The following GOLIM4 variants were observed in gnomAD, a reference collection of about 807,000 sequenced individuals.
The protein encoded by GOLIM4 is 130 kDa golgi-localized phosphoprotein.
Under a neutral mutation model 107.4 loss-of-function variants are expected in GOLIM4, and 71 were observed. The ratio of observed to expected loss-of-function variants is 0.66; its 90% CI spans 0.55 to 0.81. The LOEUF (loss-of-function observed/expected upper bound fraction) is 0.81, where lower values mean the gene tolerates loss of function less well. Among genes scored for constraint, GOLIM4 ranks in the 30% least tolerant of loss-of-function variants. The pLI, the probability that GOLIM4 is intolerant of heterozygous loss-of-function variation, is 0.00. For missense variants in GOLIM4, 830 were observed against 826.1 expected, an observed-to-expected ratio of 1.00 and a Z score of -0.06; for synonymous variants, 327 against 294.8, an observed-to-expected ratio of 1.11 and a Z score of -1.12.
chr3:168,010,056 T>C lies in GOLIM4; in HGVS notation c.*213A>G. 2.5e-6 allele frequency: 1 copy of C among 396,092 alleles called. No homozygotes were observed. Among genetic ancestry groups the C allele is most frequent in the Non-Finnish European group, 4.4e-6 (1 of 227,646 alleles). The allele number at this position is 396,092 out of a possible 1,614,324, so 24.5% of individuals were successfully genotyped here. ...GGTTTACTTTATTGTTTTTCTTCTT[T>C]TTCATGTTTAGCTTGAATATAAAAG... On this transcript the variant is annotated 3_prime_UTR_variant, in exon 16 of 16. Transcript: ENST00000470487.
chr3:168,047,121 T>C (rs1294657078), intron 2 of GOLIM4, 122 bp from the exon 3 acceptor site: 6 of 521,712 alleles, frequency 1.2e-5, no homozygotes, highest in African/African-American at 2.0e-5. Context: ...AACAATCTAC[T>C]TGGTGATTTA....
intron 1 of GOLIM4, among the ~76,000 whole-genome samples, chr3:168,077,985 A>G (rs542220393): frequency 6.6e-6 from 1 of 152,122 alleles, no homozygotes; most frequent in African/African-American, 2.4e-5. Flanking sequence ...TTATTTATTT[A>G]TTTATTTATT....
At chr3:168,038,870 G>T (rs954380741) in intron 7 of GOLIM4, among the ~76,000 whole-genome samples, 2 of 152,192 alleles carry the variant, frequency 1.3e-5, no homozygotes, top group African/African-American at 4.8e-5. Flanking sequence ...TAATTAGGTC[G>T]TAAGGGTGAA....
chr3:168,025,197 C>T, intron 12 of GOLIM4, 102 bp from the exon 13 acceptor site: 2 of 885,400 alleles, frequency 2.3e-6, no homozygotes, highest in Non-Finnish European at 1.7e-6. Context: ...AATTGTCCTT[C>T]CCTCAATTGT....
chr3:168,021,634 C>T lies in GOLIM4; in HGVS notation c.1860+2892G>A, dbSNP rs574008370. Reference sequence around the variant, plus strand: ...TGAGCCGAGATCACCTCATTGCACTCCAGCCTGGGTGACAGTCAGACTCTG... The same window carrying T: ...TGAGCCGAGATCACCTCATTGCACTTCAGCCTGGGTGACAGTCAGACTCTG... On this transcript the variant is annotated intron_variant, in intron 14 of 15. Transcript: ENST00000470487. Among the ~76,000 whole-genome samples the T allele has an allele frequency of 3.1e-4, 47 of 152,130 alleles. 1 individual carries two copies. In the Middle Eastern group the frequency reaches 0.017, roughly 55 times the overall value.
intron 1 of GOLIM4, among the ~76,000 whole-genome samples, chr3:168,090,546 C>T (rs1452113091): frequency 1.3e-5 from 2 of 152,102 alleles, no homozygotes; most frequent in Non-Finnish European, 1.5e-5. Context: ...TGCAAAGAAA[C>T]GGGAATGCTT....
At chr3:168,037,302 C>T (rs1223192552) in intron 7 of GOLIM4, among the ~76,000 whole-genome samples, 1 of 152,018 alleles carries the variant, frequency 6.6e-6, no homozygotes, top group Non-Finnish European at 1.5e-5. Context: ...ATTAAAAGAC[C>T]GTTCTGTGAT....
intron 1 of GOLIM4, among the ~76,000 whole-genome samples, chr3:168,081,070 G>A (rs980435651): frequency 1.3e-5 from 2 of 152,172 alleles, no homozygotes; most frequent in African/African-American, 4.8e-5. Context: ...GCAGCCTGTG[G>A]TGAATGTTAG....
Position 168,050,860 on chromosome 3 carries a change from T to A in GOLIM4, c.188-2495A>T, listed in dbSNP as rs148988368. 1.8e-3 allele frequency among the ~76,000 whole-genome samples: 234 copies of A among 128,806 alleles called. 2 individuals are homozygous for A. Among genetic ancestry groups the A allele is most frequent in the African/African-American group, 6.4e-3 (229 of 35,646 alleles). The allele number at this position is 128,806 out of a possible 152,430, so 84.5% of individuals were successfully genotyped here. ...ATAATAATAATAATAATAATAATAA[T>A]AATAATAATAAAACCTAGCAGCATA... On this transcript the variant is annotated intron_variant, in intron 1 of 15. Coordinates refer to ENST00000470487, the MANE Select transcript of GOLIM4 (RefSeq NM_014498.5).
chr3:168,020,093 G>A (rs1466560863), intron 14 of GOLIM4, among the ~76,000 whole-genome samples: 2 of 152,106 alleles, frequency 1.3e-5, no homozygotes, highest in African/African-American at 4.8e-5. Context: ...ACCTAGGTGA[G>A]CTCTAATCAT....
intron 14 of GOLIM4, among the ~76,000 whole-genome samples, chr3:168,015,236 C>G (rs13065796): frequency 8.7e-6 from 1 of 115,504 alleles, no homozygotes; most frequent in Non-Finnish European, 1.6e-5. Flanking sequence ...AGCATTCTTA[C>G]ACACCAGCAA....
intron 14 of GOLIM4, among the ~76,000 whole-genome samples, chr3:168,017,346 C>G (rs1717430423): frequency 6.6e-6 from 1 of 152,044 alleles, no homozygotes. Flanking sequence ...ATAAAATTAG[C>G]TGGGCCTAGT....
intron 1 of GOLIM4, among the ~76,000 whole-genome samples, chr3:168,073,194 T>C (rs916692475): frequency 3.3e-5 from 5 of 152,228 alleles, no homozygotes; most frequent in African/African-American, 1.2e-4. Flanking sequence ...GCAATTTTAC[T>C]TGTTCTCATA....
At chr3:168,077,883 T>C (rs1721149964) in intron 1 of GOLIM4, among the ~76,000 whole-genome samples, 1 of 152,210 alleles carries the variant, frequency 6.6e-6, no homozygotes, top group Admixed American at 6.5e-5. Context: ...ACTTATAATT[T>C]GGTATCCTTA....
At position 168,052,772 on chromosome 3, in the gene GOLIM4, T is replaced by A. The variant is rs574044629; in HGVS notation, c.188-4407A>T. 3.7e-3 allele frequency among the ~76,000 whole-genome samples: 557 copies of A among 152,330 alleles called. 3 individuals are homozygous for A. Among genetic ancestry groups the A allele is most frequent in the Non-Finnish European group, 6.4e-3 (436 of 68,014 alleles). The stretch of plus-strand genomic sequence containing the variant: ...ATCAATCCTTGTCACCTATCTCTAT[T>A]TTTCTATTTATACTCTGAAGTCAAG... On this transcript the variant is annotated intron_variant, in intron 1 of 15. Transcript: ENST00000470487.
intron 1 of GOLIM4, among the ~76,000 whole-genome samples, chr3:168,060,662 G>A (rs574924894): frequency 1.3e-4 from 20 of 152,270 alleles, no homozygotes; most frequent in Non-Finnish European, 2.2e-4. Flanking sequence ...AAAATAATCC[G>A]CGGTATTCCT....
intron 1 of GOLIM4, among the ~76,000 whole-genome samples, chr3:168,067,301 C>T (rs565202100): frequency 2.0e-5 from 3 of 152,078 alleles, no homozygotes; most frequent in African/African-American, 7.2e-5. Flanking sequence ...AGAATACTAG[C>T]CCTTGACTCA....
intron 1 of GOLIM4, among the ~76,000 whole-genome samples, chr3:168,079,968 C>T (rs1721263205): frequency 6.6e-6 from 1 of 152,090 alleles, no homozygotes; most frequent in Non-Finnish European, 1.5e-5. Context: ...AAATTAATCT[C>T]TAAAATTACC....
Position 168,024,580 on chromosome 3 carries a change from TG to T in GOLIM4, c.1805del (p.Pro602GlnfsTer24). The T allele has an allele frequency of 6.2e-7, 1 of 1,613,394 alleles. No individual in the cohort carries two copies. The highest frequency in any genetic ancestry group is 8.5e-7 in the Non-Finnish European group (1 of 1,179,318). On this transcript the variant is annotated frameshift_variant, in exon 14 of 16. Transcript: ENST00000470487. LOFTEE classifies it high-confidence loss of function. ...CATCAACATTGTCCTCCTGCTGGTC[TG>T]GATTTCCTGCCATCTGTTGGAAACA... ...VEEHLVMAGN[P>X]DQQEDNVDEQ...
Sources: gnomAD v4.1 joint callset for allele counts (sites outside exome capture counted in the v4.1 genomes callset) on GRCh38, gnomAD v4.1.1 for gene constraint, MANE v1.5 for transcripts, NCBI Gene and HGNC (gene_info 2026-07-23, HGNC 2026-07-21) for gene names.